KCMF1: variants seen among roughly 807,000 people sequenced by gnomAD.
KCMF1 encodes the protein potassium channel modulatory factor 1.
A neutral mutation model predicts 41.1 loss-of-function variants in KCMF1; 3 were observed. The ratio of observed to expected loss-of-function variants is 0.07; its 90% confidence interval spans 0.03 to 0.19. The LOEUF (loss-of-function observed/expected upper bound fraction) is 0.19. KCMF1 is among the 10% of genes least tolerant of loss of function. KCMF1 has a pLI of 1.00. For synonymous variants in KCMF1, 142 were observed against 164.5 expected (o/e 0.86, Z 1.04); for missense variants, 286 against 488.9 (o/e 0.58, Z 3.91).
chr2:85,011,675 G>A (rs1171186956), intron 1 of KCMF1, among the ~76,000 whole-genome samples: 3 of 152,184 alleles, frequency 2.0e-5, no homozygotes, highest in Non-Finnish European at 4.4e-5. Flanking sequence ...CCAGAAAGAT[G>A]CTGACCTCTT....
intron 1 of KCMF1, among the ~76,000 whole-genome samples, chr2:84,994,395 A>G (rs956969801): frequency 3.3e-5 from 5 of 151,956 alleles, no homozygotes; most frequent in African/African-American, 1.2e-4. Flanking sequence ...ACACCTCACT[A>G]AACTAACAAT....
rs1675757229 is a variant in KCMF1, at chr2:85,049,535, T to A, written c.771T>A (p.Arg257=). ...AGACCGCACGCAACGCAACCCGGCG[T>A]ACTAACACAAGCAGTGTCACCACTA... ...QLETARNATR[R]TNTSSVTTTI... is the part of the protein sequence containing the mutation. Residue 257 remains arginine (R), a synonymous_variant, in exon 6 of 7, where the codon CGT becomes CGA. Transcript: ENST00000409785. 2 of 1,613,844 alleles carry A rather than the reference T, an allele frequency of 1.2e-6. No homozygotes were observed. Among genetic ancestry groups the A allele is most frequent in the Admixed American group, 1.7e-5 (1 of 59,990 alleles).
At chr2:85,040,506 T>G (rs1314180418) in intron 3 of KCMF1, among the ~76,000 whole-genome samples, 1 of 152,180 alleles carries the variant, frequency 6.6e-6, no homozygotes, top group East Asian at 1.9e-4. Context: ...TTTGCTCTCC[T>G]TTTTCTTTCT....
rs371628014 is a variant in KCMF1 at position 85,013,037 on chromosome 2, T to C, written c.17-14852T>C. Among the ~76,000 whole-genome samples the C allele has an allele frequency of 1.8e-3, 274 of 152,314 alleles. 3 individuals are homozygous for C. The highest frequency in any genetic ancestry group is 6.4e-3 in the African/African-American group (267 of 41,566). ...CGAGGATTTCAGGAACTGCTTGGTA[T>C]GAAGAGTTGTGTCAGGGTGAGTCTG... On this transcript the variant is annotated intron_variant, in intron 1 of 6. Transcript: ENST00000409785.
chr2:85,023,351 C>T (rs1674998882), intron 1 of KCMF1, among the ~76,000 whole-genome samples: 2 of 134,824 alleles, frequency 1.5e-5, no homozygotes, highest in Admixed American at 1.6e-4. Flanking sequence ...GAGTCTCGCA[C>T]TTTCTCGCCC....
chr2:85,029,594 A>AT (rs1297827532), intron 2 of KCMF1, among the ~76,000 whole-genome samples: 1 of 150,984 alleles, frequency 6.6e-6, no homozygotes, highest in Non-Finnish European at 1.5e-5. Context: ...GCAAGACGCT[A>AT]TCTCAAAAAA....
In KCMF1 at chr2:85,056,824, G is replaced by C. The variant is rs144063603; in HGVS notation, c.*3415G>C. The C allele has an allele frequency of 7.2e-4, 109 of 152,294 alleles. No homozygotes were observed. Among genetic ancestry groups the C allele is most frequent in the African/African-American group, 2.6e-3 (106 of 41,552 alleles). The allele number at this position is 152,294 out of a possible 1,614,324, so 9.4% of individuals were successfully genotyped here. A position where few individuals can be genotyped will look rare whatever the true frequency, so the allele number is the denominator to read the frequency against. On this transcript the variant is annotated 3_prime_UTR_variant, in exon 7 of 7. Coordinates refer to ENST00000409785, the MANE Select transcript of KCMF1 (RefSeq NM_020122.5). ...CGTGTTTACTATATATGACATGCCTGTTTCTTAGTTTGCATGCACAGTTTA... is the reference window on the plus strand; with the variant it reads ...CGTGTTTACTATATATGACATGCCTCTTTCTTAGTTTGCATGCACAGTTTA...
At chr2:85,008,247 GAT>G (rs1491392377) in intron 1 of KCMF1, among the ~76,000 whole-genome samples, 2 of 78,080 alleles carry the variant, frequency 2.6e-5, no homozygotes, top group Non-Finnish European at 4.9e-5. Flanking sequence ...TATTATATAT[GAT>G]ATATATTATA....
intron 1 of KCMF1, among the ~76,000 whole-genome samples, chr2:85,001,560 T>C (rs1674329548): frequency 6.6e-6 from 1 of 152,206 alleles, no homozygotes; most frequent in African/African-American, 2.4e-5. Flanking sequence ...CAATTCTTTA[T>C]TGCATTTTCT....
In KCMF1 at chr2:85,027,866, AAAGAT is replaced by A. The variant is rs1344028326; in HGVS notation, c.17-21_17-17del. The A allele has an allele frequency of 6.5e-7, 1 of 1,541,830 alleles. No homozygotes were observed. Among genetic ancestry groups the A allele is most frequent in the African/African-American group, 1.4e-5 (1 of 72,650 alleles). On this transcript the variant is annotated intron_variant, in intron 1 of 6. Transcript: ENST00000409785. ...AGAGTGGCCTTTACAACTGGTAACT[AAAGAT>A]ATTTCTTTTTTTTATAGGTGTCAGC...
chr2:85,044,145 TTTAA>T (rs1675607549), intron 4 of KCMF1, among the ~76,000 whole-genome samples: 1 of 152,148 alleles, frequency 6.6e-6, no homozygotes, highest in Admixed American at 6.6e-5. Flanking sequence ...CAAATTAAAA[TTTAA>T]TTAGTTAAAT....
Position 85,003,978 on chromosome 2 carries a change from A to G in KCMF1, c.17-23911A>G, listed in dbSNP as rs560144964. Among the ~76,000 whole-genome samples the G allele has an allele frequency of 5.3e-4, 81 of 152,260 alleles. 1 individual carries two copies. The highest frequency in any genetic ancestry group is 1.0e-3 in the Non-Finnish European group (71 of 68,014). ...GTGGATGCCTGAACCTGTGGATAGT[A>G]CTGAACCCTATGTATCCTGTTATTC... On this transcript the variant is annotated intron_variant, in intron 1 of 6. Coordinates refer to ENST00000409785, the MANE Select transcript of KCMF1 (RefSeq NM_020122.5).
chr2:85,049,681 AAGTAATATTTT>A, intron 6 of KCMF1, 33 bp downstream of exon 6: 1 of 1,558,106 alleles, frequency 6.4e-7, no homozygotes, highest in Non-Finnish European at 8.8e-7. Flanking sequence ...TTTGTTTGGG[AAGTAATATTTT>A]ATTGCCACTA....
intron 1 of KCMF1, among the ~76,000 whole-genome samples, chr2:85,016,595 C>T (rs1177493590): frequency 2.0e-5 from 3 of 152,058 alleles, no homozygotes; most frequent in African/African-American, 7.2e-5. Context: ...TTCCTTTCTC[C>T]AGCAGTTTCA....
In KCMF1 at chr2:85,055,170, A is replaced by C. The variant is rs572553165; in HGVS notation, c.*1761A>C. 1 of 152,314 alleles carries C rather than the reference A, an allele frequency of 6.6e-6. No individual in the cohort carries two copies. The highest frequency in any genetic ancestry group is 2.1e-4 in the South Asian group (1 of 4,830). 9.4% of individuals were successfully genotyped at this position (152,314 alleles called of 1,614,324 possible). On this transcript the variant is annotated 3_prime_UTR_variant, in exon 7 of 7. Coordinates refer to ENST00000409785, the MANE Select transcript of KCMF1 (RefSeq NM_020122.5). ...TGGTTGTTGAGAAGTTTCAAAAATC[A>C]GTTTTCAAGCTGTGGTCTTTCAAAC...
chr2:85,047,596 TAAAA>T (rs202167081), intron 5 of KCMF1, among the ~76,000 whole-genome samples: 4 of 131,992 alleles, frequency 3.0e-5, no homozygotes, highest in Admixed American at 1.5e-4. Context: ...GGAAAAATCT[TAAAA>T]AAAAAAAAAA....
At chr2:85,033,322 G>A (rs575278571) in intron 2 of KCMF1, among the ~76,000 whole-genome samples, 7 of 151,994 alleles carry the variant, frequency 4.6e-5, no homozygotes, top group Non-Finnish European at 7.4e-5. Flanking sequence ...TTTTAGTGGC[G>A]TAACACACTG....
chr2:85,044,259 T>C (rs1464756262), intron 4 of KCMF1, among the ~76,000 whole-genome samples: 1 of 152,140 alleles, frequency 6.6e-6, no homozygotes, highest in African/African-American at 2.4e-5. Context: ...TGCATCTTGG[T>C]GTTCCTTTCC....
chr2:85,053,586 T>C lies in KCMF1; in HGVS notation c.*177T>C, dbSNP rs573231470. On this transcript the variant is annotated 3_prime_UTR_variant, in exon 7 of 7. Transcript: ENST00000409785. ...GATAATCATTTCCACTTAACTAATT[T>C]TTACTTCTAGCAGGTAAATGTAGGT... The C allele has an allele frequency of 1.6e-4, 117 of 731,688 alleles. No homozygotes were observed. The African/African-American group carries it at 1.8e-3, about 11-fold the overall frequency. The allele number at this position is 731,688 out of a possible 1,614,324, so 45.3% of individuals were successfully genotyped here.
Sources: allele counts gnomAD v4.1 joint callset (sites outside exome capture counted in the v4.1 genomes callset), GRCh38; gene constraint gnomAD v4.1.1; transcripts MANE v1.5; gene names NCBI Gene and HGNC (gene_info 2026-07-23, HGNC 2026-07-21).